Variants in CACUL1 observed in about 807,000 individuals in gnomAD.
CACUL1 encodes the protein CDK2-associated and cullin domain-containing protein 1.
A neutral mutation model predicts 45.2 loss-of-function variants in CACUL1; 13 were observed. The ratio of observed to expected loss-of-function variants is 0.29; its 90% CI spans 0.19 to 0.46. The LOEUF is 0.46. Among genes scored for constraint, CACUL1 ranks in the 20% least tolerant of loss-of-function variants. CACUL1 has a pLI of 1.00. For missense variants in CACUL1, 421 were observed against 471.4 expected (o/e 0.89, Z 0.99); for synonymous variants, 197 against 174.2 (o/e 1.13, Z -1.03).
intron 3 of CACUL1, among the ~76,000 whole-genome samples, chr10:118,723,190 T>C (rs1315218470): frequency 6.6e-6 from 1 of 152,188 alleles, no homozygotes; most frequent in Non-Finnish European, 1.5e-5. Context: ...TTTTAAAAAA[T>C]CCTTTCTTGA....
At position 118,746,100 on chromosome 10, in the gene CACUL1, T is replaced by C. The variant is rs1845840721; in HGVS notation, c.367+8296A>G. Among the ~76,000 whole-genome samples, 7 of 144,868 alleles carry C rather than the reference T, an allele frequency of 4.8e-5. No individual in the cohort carries two copies. In the South Asian group the frequency reaches 1.5e-3, roughly 32 times the overall value. On this transcript the variant is annotated intron_variant, in intron 1 of 8. Coordinates refer to ENST00000369151, the MANE Select transcript of CACUL1 (RefSeq NM_153810.5). ...CCAGGAGGCAGAGCTTGCAGTGAGC[T>C]GAGATCGCACCACTGCACTCCAGCC...
intron 1 of CACUL1, among the ~76,000 whole-genome samples, chr10:118,740,413 C>T (rs1230890679): frequency 6.6e-6 from 1 of 151,808 alleles, no homozygotes; most frequent in Non-Finnish European, 1.5e-5. Flanking sequence ...AGTTCAAGAC[C>T]AGCCTGGTCA....
chr10:118,688,577 G>A (rs191067121), intron 7 of CACUL1, among the ~76,000 whole-genome samples: 4 of 152,216 alleles, frequency 2.6e-5, no homozygotes, highest in African/African-American at 7.2e-5. Context: ...AGTCCGGAAC[G>A]CTCTCTCAAA....
chr10:118,691,237 A>C (rs764485424), intron 7 of CACUL1, 28 bp downstream of exon 7: 6 of 1,595,224 alleles, frequency 3.8e-6, no homozygotes, highest in Non-Finnish European at 5.1e-6. Flanking sequence ...GACATATTTG[A>C]CCACTAAAGG....
intron 1 of CACUL1, among the ~76,000 whole-genome samples, chr10:118,753,241 A>G (rs1016219374): frequency 1.3e-5 from 2 of 152,268 alleles, no homozygotes; most frequent in Non-Finnish European, 2.9e-5. Context: ...TAATCTTACC[A>G]AACGTACATA....
intron 5 of CACUL1, among the ~76,000 whole-genome samples, chr10:118,700,242 ATATG>A (rs981280535): frequency 3.3e-5 from 5 of 152,210 alleles, no homozygotes; most frequent in African/African-American, 1.2e-4. Flanking sequence ...GCCAACCCAA[ATATG>A]TGCCACATTC....
At position 118,681,123 on chromosome 10, in the gene CACUL1, G is replaced by A. The variant is rs1845149009; in HGVS notation, c.*5005C>T. 6.6e-6 allele frequency: 1 copy of A among 152,224 alleles called. No individual in the cohort carries two copies. The highest frequency in any genetic ancestry group is 2.4e-5 in the African/African-American group (1 of 41,458). 9.4% of individuals were successfully genotyped at this position (152,224 alleles called of 1,614,324 possible). A position where few individuals can be genotyped will look rare whatever the true frequency, so the allele number is the denominator to read the frequency against. On this transcript the variant is annotated 3_prime_UTR_variant, in exon 9 of 9. Transcript: ENST00000369151. ...AGTGGCTTTGTATCCCAGGTCAATA[G>A]GAGTTTCATCCGCCATTTTGTTTTT...
intron 7 of CACUL1, 136 bp from the exon 8 acceptor site, chr10:118,686,777 C>A: frequency 4.5e-6 from 3 of 666,084 alleles, no homozygotes; most frequent in South Asian, 1.8e-5. Context: ...TATTAAACAT[C>A]TTAGAATCCT....
At chr10:118,734,779 A>T (rs891971445) in intron 1 of CACUL1, among the ~76,000 whole-genome samples, 2 of 152,252 alleles carry the variant, frequency 1.3e-5, no homozygotes, top group Non-Finnish European at 2.9e-5. Flanking sequence ...TAAGATAATA[A>T]GCTCACACAG....
intron 1 of CACUL1, among the ~76,000 whole-genome samples, chr10:118,745,422 T>C (rs1277581362): frequency 6.6e-6 from 1 of 151,806 alleles, no homozygotes; most frequent in Non-Finnish European, 1.5e-5. Flanking sequence ...ATTAGCTGGG[T>C]GTGGTGGCAC....
intron 1 of CACUL1, among the ~76,000 whole-genome samples, chr10:118,751,784 T>A (rs1845900547): frequency 6.6e-6 from 1 of 152,226 alleles, no homozygotes; most frequent in Admixed American, 6.5e-5. Context: ...TGGAGAAAAT[T>A]AGTATTCTTG....
intron 5 of CACUL1, among the ~76,000 whole-genome samples, chr10:118,700,481 G>A (rs1013635926): frequency 2.6e-5 from 4 of 152,092 alleles, no homozygotes; most frequent in Admixed American, 6.5e-5. Flanking sequence ...ACTTTGGGAG[G>A]CCGAGATGGG....
intron 4 of CACUL1, among the ~76,000 whole-genome samples, chr10:118,702,448 C>T (rs1055441869): frequency 2.0e-5 from 3 of 152,212 alleles, no homozygotes; most frequent in Non-Finnish European, 4.4e-5. Flanking sequence ...ACCCTGGACA[C>T]AGCCTTATTT....
At chr10:118,735,694 G>A (rs1263670123) in intron 1 of CACUL1, among the ~76,000 whole-genome samples, 2 of 152,116 alleles carry the variant, frequency 1.3e-5, no homozygotes, top group African/African-American at 2.4e-5. Flanking sequence ...CAAACAAAAT[G>A]TTAAAAAGGT....
chr10:118,739,051 C>G (rs1439360866), intron 1 of CACUL1, among the ~76,000 whole-genome samples: 1 of 151,830 alleles, frequency 6.6e-6, no homozygotes, highest in East Asian at 1.9e-4. Flanking sequence ...AAAAAAATAG[C>G]TGGGCATGGT....
intron 6 of CACUL1, among the ~76,000 whole-genome samples, chr10:118,692,188 T>C (rs1411266326): frequency 6.6e-6 from 1 of 151,948 alleles, no homozygotes; most frequent in African/African-American, 2.4e-5. Flanking sequence ...GTTTAATAAG[T>C]GGGCTGGAGG....
chr10:118,712,864 G>C (rs1845502799), intron 3 of CACUL1, among the ~76,000 whole-genome samples: 1 of 152,206 alleles, frequency 6.6e-6, no homozygotes, highest in African/African-American at 2.4e-5. Context: ...CCAGCCACAG[G>C]CAAGCTGGAA....
At chr10:118,750,322 CAA>C (rs35127428) in intron 1 of CACUL1, among the ~76,000 whole-genome samples, 1 of 135,436 alleles carries the variant, frequency 7.4e-6, no homozygotes. Flanking sequence ...GAGACTGTCT[CAA>C]AAAAAAAAAA....
intron 3 of CACUL1, among the ~76,000 whole-genome samples, chr10:118,725,679 A>C (rs1471016973): frequency 2.0e-5 from 3 of 152,238 alleles, no homozygotes; most frequent in Non-Finnish European, 2.9e-5. Context: ...AAAAAACTTT[A>C]AAGTGCCTGA....
Sources: gnomAD v4.1 joint callset for allele counts (sites outside exome capture counted in the v4.1 genomes callset) on GRCh38, gnomAD v4.1.1 for gene constraint, MANE v1.5 for transcripts, NCBI Gene and HGNC (gene_info 2026-07-23, HGNC 2026-07-21) for gene names.